TACC2: variants seen among roughly 807,000 people sequenced by gnomAD.
TACC2 encodes the protein transforming acidic coiled-coil-containing protein 2.
In TACC2, 137 loss-of-function variants were observed where a neutral mutation model predicts 227.3. The observed-to-expected ratio is 0.60, with a 90% CI of 0.52 to 0.69. TACC2 has a LOEUF of 0.69. TACC2 is among the 30% of genes least tolerant of loss of function. The pLI is 0.00. For synonymous variants in TACC2, 1,523 were observed against 1,487.5 expected (o/e 1.02, Z -0.55); for missense variants, 3,470 against 3,694.4 (o/e 0.94, Z 1.57).
intron 7 of TACC2, among the ~76,000 whole-genome samples, chr10:122,169,190 C>T (rs1023087566): frequency 5.3e-5 from 8 of 152,162 alleles, no homozygotes; most frequent in South Asian, 2.1e-4. Flanking sequence ...GCTGTTTAAA[C>T]GCCATTGCCA....
chr10:122,196,199 G>A (rs2140592548), intron 8 of TACC2, among the ~76,000 whole-genome samples: 1 of 152,338 alleles, frequency 6.6e-6, no homozygotes, highest in East Asian at 1.9e-4. Context: ...CCTTGATGTT[G>A]GTTTTAGAAA....
chr10:122,168,178 C>T (rs2093292204), intron 7 of TACC2, among the ~76,000 whole-genome samples: 2 of 151,378 alleles, frequency 1.3e-5, no homozygotes, highest in South Asian at 4.2e-4. Context: ...GTGTTGGGAT[C>T]ACAGGCATGA....
intron 7 of TACC2, among the ~76,000 whole-genome samples, chr10:122,168,736 G>T (rs957749698): frequency 1.3e-5 from 2 of 152,188 alleles, no homozygotes; most frequent in Non-Finnish European, 2.9e-5. Flanking sequence ...TGGATTCTGG[G>T]TTGCTCTTCC....
chr10:122,063,822 A>G (rs556697582), intron 3 of TACC2, among the ~76,000 whole-genome samples: 1 of 128,388 alleles, frequency 7.8e-6, no homozygotes, highest in East Asian at 2.2e-4. Flanking sequence ...ATACATATAT[A>G]TTATATAATA....
chr10:122,248,869 G>GA, intron 20 of TACC2, 66 bp downstream of exon 20: 1 of 1,597,536 alleles, frequency 6.3e-7, no homozygotes, highest in Non-Finnish European at 8.6e-7. Flanking sequence ...GGAGCACTGG[G>GA]AGGGGGTAGG....
At chr10:122,119,638 G>A (rs1011874019) in intron 5 of TACC2, among the ~76,000 whole-genome samples, 1 of 152,218 alleles carries the variant, frequency 6.6e-6, no homozygotes, top group Non-Finnish European at 1.5e-5. Context: ...ATCAGGCTGG[G>A]TATCGTGGCT....
chr10:121,992,530 T>C (rs1953068702), intron 1 of TACC2, among the ~76,000 whole-genome samples: 1 of 152,166 alleles, frequency 6.6e-6, no homozygotes, highest in Non-Finnish European at 1.5e-5. Context: ...TTGGAGGGCT[T>C]TTATGTACAT....
chr10:122,008,502 T>C (rs1383974357), intron 1 of TACC2, among the ~76,000 whole-genome samples: 4 of 151,652 alleles, frequency 2.6e-5, no homozygotes, highest in Non-Finnish European at 2.9e-5. Context: ...TCAGGTGATC[T>C]GCCCGCCTTG....
chr10:122,168,590 G>T (rs763464818), intron 7 of TACC2, among the ~76,000 whole-genome samples: 2 of 152,162 alleles, frequency 1.3e-5, no homozygotes, highest in South Asian at 2.1e-4. Context: ...GGTCCTCCAG[G>T]TAGCTACCAA....
intron 10 of TACC2, among the ~76,000 whole-genome samples, chr10:122,215,909 G>C (rs536173328): frequency 6.6e-6 from 1 of 152,332 alleles, no homozygotes; most frequent in South Asian, 2.1e-4. Context: ...CTTGATTAGA[G>C]TCCCTCTTAC....
intron 7 of TACC2, among the ~76,000 whole-genome samples, chr10:122,155,010 C>T (rs1028086123): frequency 1.3e-5 from 2 of 152,204 alleles, no homozygotes; most frequent in East Asian, 1.9e-4. Flanking sequence ...TCGACTGCTG[C>T]GGGCAGGCGT....
At chr10:122,163,269 G>A (rs1284091137) in intron 7 of TACC2, among the ~76,000 whole-genome samples, 2 of 151,990 alleles carry the variant, frequency 1.3e-5, no homozygotes, top group Non-Finnish European at 2.9e-5. Flanking sequence ...CCTTAGTCCT[G>A]GGCCGGGAGA....
At position 122,083,299 on chromosome 10, in the gene TACC2, G is replaced by C; in HGVS notation, c.799G>C (p.Glu267Gln). 4 of 1,613,944 alleles carry C rather than the reference G, an allele frequency of 2.5e-6. No homozygotes were observed. The highest frequency in any genetic ancestry group is 3.4e-6 in the Non-Finnish European group (4 of 1,180,024). The change falls in exon 4 of 23, where the codon GAG becomes CAG. Residue 267 changes from glutamate to glutamine, a missense_variant. Transcript: ENST00000369005. ...GGGCACAGAAAGCTCAGCGGTCTTG[G>C]AGAAGTCCCCCCTAAAACCCATGGC... ...QQGTESSAVL[E>Q]KSPLKPMAPI...
At chr10:122,132,524 G>C in intron 5 of TACC2, 85 bp from the exon 6 acceptor site, 1 of 1,543,286 alleles carries the variant, frequency 6.5e-7, no homozygotes, top group Non-Finnish European at 8.9e-7. Context: ...CCTCCAGCCT[G>C]GATAAGAAAA....
intron 1 of TACC2, among the ~76,000 whole-genome samples, chr10:122,002,937 TCA>T (rs1954590708): frequency 1.3e-5 from 2 of 152,210 alleles, no homozygotes; most frequent in South Asian, 4.1e-4. Flanking sequence ...GCATGGTGGC[TCA>T]CACCTGTAAT....
chr10:122,177,646 G>A (rs1354505007), intron 7 of TACC2, among the ~76,000 whole-genome samples: 1 of 152,166 alleles, frequency 6.6e-6, no homozygotes, highest in Admixed American at 6.5e-5. Context: ...AGCAGCAGGA[G>A]AATGAAGCTG....
intron 7 of TACC2, among the ~76,000 whole-genome samples, chr10:122,165,305 T>C (rs2093090825): frequency 6.6e-6 from 1 of 152,114 alleles, no homozygotes; most frequent in Non-Finnish European, 1.5e-5. Context: ...GTCCCTATAG[T>C]GGAATTGAGT....
At chr10:122,068,009 A>G (rs1201668809) in intron 3 of TACC2, among the ~76,000 whole-genome samples, 1 of 151,850 alleles carries the variant, frequency 6.6e-6, no homozygotes, top group African/African-American at 2.4e-5. Context: ...TGTTGTTGTT[A>G]TTTCTTTCAG....
chr10:122,011,070 T>C (rs1305611077), intron 1 of TACC2, among the ~76,000 whole-genome samples: 1 of 152,226 alleles, frequency 6.6e-6, no homozygotes, highest in African/African-American at 2.4e-5. Flanking sequence ...GGTAAAGGCC[T>C]GTGGCCCAAT....
Sources: gnomAD v4.1 joint callset for allele counts (sites outside exome capture counted in the v4.1 genomes callset) on GRCh38, gnomAD v4.1.1 for gene constraint, MANE v1.5 for transcripts, NCBI Gene and HGNC (gene_info 2026-07-23, HGNC 2026-07-21) for gene names.